Variants in PDZD2 observed in about 807,000 individuals in gnomAD.
The protein encoded by PDZD2 is PDZ domain containing 2.
PDZD2 carries 90 observed loss-of-function variants against 220.7 expected under a neutral mutation model. That is an observed-to-expected ratio of 0.41 (90% CI 0.34 to 0.49). The LOEUF (loss-of-function observed/expected upper bound fraction) is 0.49, where lower values mean the gene tolerates loss of function less well. Among genes scored for constraint, PDZD2 ranks in the 20% least tolerant of loss-of-function variants. The pLI, the probability that PDZD2 is intolerant of heterozygous loss-of-function variation, is 0.28. For synonymous variants in PDZD2, 1,375 were observed against 1,450.5 expected (o/e 0.95, Z 1.18); for missense variants, 3,174 against 3,608.5 (o/e 0.88, Z 3.08).
intron 2 of PDZD2, among the ~76,000 whole-genome samples, chr5:31,803,971 C>G (rs1199069195): frequency 6.6e-6 from 1 of 150,412 alleles, no homozygotes; most frequent in African/African-American, 2.5e-5. Flanking sequence ...CCCAGGAGGT[C>G]GATCGAGGCT....
At chr5:32,068,240 G>A (rs1740403831) in intron 14 of PDZD2, among the ~76,000 whole-genome samples, 2 of 152,120 alleles carry the variant, frequency 1.3e-5, no homozygotes, top group Admixed American at 6.5e-5. Context: ...CAAGATATCA[G>A]TGCCATGAAA....
chr5:32,098,453 G>A lies in PDZD2; in HGVS notation c.8037G>A (p.Leu2679=), dbSNP rs779201462. The change falls in exon 23 of 25, where the codon CTG becomes CTA. Residue 2679 remains leucine, a synonymous_variant. Coordinates refer to ENST00000438447, the MANE Select transcript of PDZD2 (RefSeq NM_178140.4). This position sits in a 1 kb window ranked among gnomAD's most constrained non-coding sequence, Gnocchi z 4.1. ...DFLLSVNGAS[L]AGLAHGNVLK... is the part of the protein sequence containing the mutation. ...TTCTGTCAGTCAACGGCGCCTCACT[G>A]GCTGGCTTAGCCCACGGGAATGTCC... 38 of 1,614,074 alleles carry A rather than the reference G, an allele frequency of 2.4e-5. No homozygotes were observed. Among genetic ancestry groups the A allele is most frequent in the Non-Finnish European group, 3.0e-5 (35 of 1,180,042 alleles).
At chr5:31,845,848 T>C (rs1336841325) in intron 2 of PDZD2, among the ~76,000 whole-genome samples, 1 of 152,246 alleles carries the variant, frequency 6.6e-6, no homozygotes, top group Non-Finnish European at 1.5e-5. Flanking sequence ...GCATCCTGTA[T>C]GTGTTCAATA....
chr5:31,989,489 C>T (rs1291381303), intron 3 of PDZD2, among the ~76,000 whole-genome samples: 4 of 143,878 alleles, frequency 2.8e-5, no homozygotes, highest in Admixed American at 7.3e-5. Flanking sequence ...GTGGCGCGAT[C>T]TTGGCTCGCT....
rs1750191896 is a variant in PDZD2, at chr5:31,980,344, C to T, written c.477-2811C>T. ...CTTTGCATAATGTTTCCAGGTTTCA[C>T]CCATGTTGTAGCATATAATTTATTC... On this transcript the variant is annotated intron_variant, in intron 2 of 24. Coordinates refer to ENST00000438447, the MANE Select transcript of PDZD2 (RefSeq NM_178140.4). 2.0e-5 allele frequency among the ~76,000 whole-genome samples: 3 copies of T among 152,196 alleles called. No homozygotes were observed. The South Asian group carries it at 6.2e-4, about 31-fold the overall frequency.
At chr5:31,760,101 G>GAAGC (rs2150186022) in intron 1 of PDZD2, among the ~76,000 whole-genome samples, 1 of 152,292 alleles carries the variant, frequency 6.6e-6, no homozygotes, top group Non-Finnish European at 1.5e-5. Context: ...CCTCTTTAAG[G>GAAGC]AAGCAGACCC....
At chr5:31,670,333 G>T (rs374322219) in intron 1 of PDZD2, among the ~76,000 whole-genome samples, 21 of 152,278 alleles carry the variant, frequency 1.4e-4, no homozygotes, top group African/African-American at 4.8e-4. Context: ...AATACTTTTG[G>T]TGAAGATTTA....
At chr5:32,100,689 T>A (rs1157588899) in intron 23 of PDZD2, 15 of 379,288 alleles carry the variant, frequency 4.0e-5, no homozygotes, top group Non-Finnish European at 5.2e-5. Context: ...TACCAGAGGA[T>A]GATCTGCTGC....
intron 1 of PDZD2, among the ~76,000 whole-genome samples, chr5:31,669,508 G>T (rs1050102975): frequency 1.3e-5 from 2 of 152,074 alleles, no homozygotes; most frequent in African/African-American, 2.4e-5. Flanking sequence ...TCTCCCGTGT[G>T]GATTGGCTCT....
chr5:32,093,398 A>T (rs1362890230), intron 21 of PDZD2, among the ~76,000 whole-genome samples: 1 of 152,144 alleles, frequency 6.6e-6, no homozygotes, highest in Non-Finnish European at 1.5e-5. Context: ...TAGTCAAGGG[A>T]GCCACCTGCT....
rs146388279 is a variant in PDZD2, at chr5:31,765,285, A to G, written c.-360-33604A>G. 2.3e-3 allele frequency among the ~76,000 whole-genome samples: 355 copies of G among 152,178 alleles called. 1 individual carries two copies. Among genetic ancestry groups the G allele is most frequent in the Non-Finnish European group, 4.2e-3 (286 of 67,996 alleles). The stretch of plus-strand genomic sequence containing the variant: ...GTCAGAGCTCTGGAGAGGAAACTAC[A>G]TGTACTCCTCGCTGGAGGATGCTCT... On this transcript the variant is annotated intron_variant, in intron 1 of 24. Transcript: ENST00000438447.
At chr5:31,760,729 C>G (rs1445317186) in intron 1 of PDZD2, among the ~76,000 whole-genome samples, 3 of 152,086 alleles carry the variant, frequency 2.0e-5, no homozygotes, top group Non-Finnish European at 4.4e-5. Context: ...CAAGACCAGT[C>G]TAGCCAACAT....
chr5:32,089,725 G>A lies in PDZD2; in HGVS notation c.6277G>A (p.Val2093Met), dbSNP rs138288252. Reference protein sequence around the residue: ...RLERTNQLKIVEISAEAVSET... With the variant: ...RLERTNQLKIMEISAEAVSET... ...CGAAAGAACAAACCAGCTGAAAATC[G>A]TGGAGATTTCTGCTGAAGCAGTGTC... The change falls in exon 20 of 25, where the codon GTG becomes ATG. Residue 2093 changes from valine to methionine, a missense_variant. By Grantham distance (21) the Val-to-Met change is conservative. This residue lies in a region of PDZD2 where 1,861 missense variants were observed against 2,001.0 expected (regional missense o/e 0.93). Transcript: ENST00000438447. 103 of 1,614,174 alleles carry A rather than the reference G, an allele frequency of 6.4e-5. No individual in the cohort carries two copies. The African/African-American group carries it at 9.5e-4, about 15-fold the overall frequency.
intron 1 of PDZD2, among the ~76,000 whole-genome samples, chr5:31,663,195 G>C (rs1028078117): frequency 6.6e-6 from 1 of 152,286 alleles, no homozygotes; most frequent in African/African-American, 2.4e-5. Flanking sequence ...TCCATTAATA[G>C]TAAAAGACTT....
chr5:31,867,272 C>T (rs1738312795), intron 2 of PDZD2, among the ~76,000 whole-genome samples: 1 of 152,254 alleles, frequency 6.6e-6, no homozygotes, highest in Admixed American at 6.5e-5. Flanking sequence ...GACTTCAGCG[C>T]AGCCCCAGTG....
chr5:32,040,678 G>A (rs1220384378), intron 7 of PDZD2, among the ~76,000 whole-genome samples: 1 of 148,264 alleles, frequency 6.7e-6, no homozygotes, highest in African/African-American at 2.5e-5. Context: ...ACCCCATCTG[G>A]GAAGTGGGGA....
At chr5:32,001,568 G>GGGTCCTCCACA (rs1752108386) in intron 5 of PDZD2, among the ~76,000 whole-genome samples, 1 of 152,164 alleles carries the variant, frequency 6.6e-6, no homozygotes, top group Non-Finnish European at 1.5e-5. Flanking sequence ...TCTTCTCCAC[G>GGGTCCTCCACA]GGTCCTCCAC....
At chr5:31,726,236 T>C (rs1013625464) in intron 1 of PDZD2, among the ~76,000 whole-genome samples, 2 of 152,156 alleles carry the variant, frequency 1.3e-5, no homozygotes, top group African/African-American at 4.8e-5. Context: ...AGTAGTATAT[T>C]ACCCAGCATG....
At chr5:31,675,519 T>G (rs1451731825) in intron 1 of PDZD2, among the ~76,000 whole-genome samples, 1 of 152,148 alleles carries the variant, frequency 6.6e-6, no homozygotes, top group African/African-American at 2.4e-5. Context: ...ATCTAGGCAT[T>G]GTACTAAGCA....
Sources: allele counts gnomAD v4.1 joint callset (sites outside exome capture counted in the v4.1 genomes callset), GRCh38; gene constraint gnomAD v4.1.1; regional missense constraint gnomAD v4.1.1; non-coding constraint Gnocchi (gnomAD v3.1); transcripts MANE v1.5; gene names NCBI Gene and HGNC (gene_info 2026-07-23, HGNC 2026-07-21).